Variants in TRDMT1 observed in about 807,000 individuals in gnomAD.
The protein encoded by TRDMT1 is tRNA (cytosine(38)-C(5))-methyltransferase.
TRDMT1 carries 49 observed loss-of-function variants against 51.2 expected under a neutral mutation model. That is an observed-to-expected ratio of 0.96 (90% CI 0.76 to 1.21). The LOEUF is 1.21. Among genes scored for constraint, TRDMT1 ranks in the 50% most tolerant of loss-of-function variants. TRDMT1 has a pLI of 0.00. For missense variants in TRDMT1, 534 were observed against 462.3 expected, an observed-to-expected ratio of 1.16 and a Z score of -1.42; for synonymous variants, 187 against 164.6, an observed-to-expected ratio of 1.14 and a Z score of -1.04.
At chr10:17,194,675 G>A (rs1845139562) in intron 1 of TRDMT1, among the ~76,000 whole-genome samples, 2 of 152,160 alleles carry the variant, frequency 1.3e-5, no homozygotes, top group Non-Finnish European at 2.9e-5. Context: ...GCTCATGCCT[G>A]TAATCCCAGC....
intron 1 of TRDMT1, among the ~76,000 whole-genome samples, chr10:17,178,510 T>C (rs1190454962): frequency 6.6e-6 from 1 of 151,956 alleles, no homozygotes; most frequent in Non-Finnish European, 1.5e-5. Context: ...ACCTCATCTC[T>C]ACTAAAAATA....
intron 1 of TRDMT1, among the ~76,000 whole-genome samples, chr10:17,190,311 G>C (rs910085686): frequency 6.6e-6 from 1 of 151,700 alleles, no homozygotes; most frequent in African/African-American, 2.4e-5. Flanking sequence ...ATGTAACCTT[G>C]ACCTTATTTA....
chr10:17,196,733 A>C (rs907427126), intron 1 of TRDMT1, among the ~76,000 whole-genome samples: 2 of 152,122 alleles, frequency 1.3e-5, no homozygotes, highest in Non-Finnish European at 2.9e-5. Context: ...TCCTTCCCCA[A>C]ATAGAAGCCA....
chr10:17,160,370 G>C lies in TRDMT1; in HGVS notation c.394C>G (p.Leu132Val), dbSNP rs751118827. 2.7e-5 allele frequency: 42 copies of C among 1,530,178 alleles called. No homozygotes were observed. The highest frequency in any genetic ancestry group is 1.4e-4 in the South Asian group (11 of 77,070). 94.8% of individuals were successfully genotyped at this position (1,530,178 alleles called of 1,614,324 possible). A position where few individuals can be genotyped will look rare whatever the true frequency, so the allele number is the denominator to read the frequency against. Residue 132 changes from leucine to valine, a missense_variant, in exon 6 of 11, where the codon CTC becomes GTC. Physicochemically the swap from Leu to Val is conservative, Grantham distance 32. Transcript: ENST00000377799. Reference sequence around the variant, plus strand: ...CAATTTTCTATTGTTTGTATCAAGAGGTCTCTAAAAAGAAAAAAAAAAAAC... The same window carrying C: ...CAATTTTCTATTGTTTGTATCAAGACGTCTCTAAAAAGAAAAAAAAAAAAC... The part of the protein sequence containing the change: ...KGFEVSSTRD[L>V]LIQTIENCGF...
chr10:17,194,974 T>C (rs925523633), intron 1 of TRDMT1, among the ~76,000 whole-genome samples: 31 of 145,574 alleles, frequency 2.1e-4, no homozygotes, highest in Non-Finnish European at 4.3e-4. Context: ...ACGCAGATGC[T>C]GGCAAGGCTG....
At chr10:17,190,520 C>A (rs1247040036) in intron 1 of TRDMT1, among the ~76,000 whole-genome samples, 2 of 150,860 alleles carry the variant, frequency 1.3e-5, no homozygotes, top group African/African-American at 4.9e-5. Flanking sequence ...TGAGTAAAGA[C>A]CAATTTATTC....
At chr10:17,170,202 T>C (rs1841777295) in intron 2 of TRDMT1, among the ~76,000 whole-genome samples, 1 of 152,178 alleles carries the variant, frequency 6.6e-6, no homozygotes, top group Admixed American at 6.5e-5. Context: ...TTCTTGAAAA[T>C]AGTGATTTTT....
Position 17,148,973 on chromosome 10 carries a change from G to C in TRDMT1, c.*67C>G, listed in dbSNP as rs2131366405. 1 of 1,462,524 alleles carries C rather than the reference G, an allele frequency of 6.8e-7. No homozygotes were observed. Among genetic ancestry groups the C allele is most frequent in the African/African-American group, 1.4e-5 (1 of 69,808 alleles). 90.6% of individuals were successfully genotyped at this position (1,462,524 alleles called of 1,614,324 possible). On this transcript the variant is annotated 3_prime_UTR_variant, in exon 11 of 11. Coordinates refer to ENST00000377799, the MANE Select transcript of TRDMT1 (RefSeq NM_004412.7). ...ATTTCACCAGAATTAGTTCAAAACAGAATTTCAGAATTACTCTCTGAAAAT... is the reference window on the plus strand; with the variant it reads ...ATTTCACCAGAATTAGTTCAAAACACAATTTCAGAATTACTCTCTGAAAAT...
In TRDMT1 at chr10:17,201,444, G is replaced by GCCGCCCCACAGTGTCCGCCCCACAGTGT. The variant is rs577437637; in HGVS notation, c.64+99_64+126dup. 7.1e-5 allele frequency: 59 copies of GCCGCCCCACAGTGTCCGCCCCACAGTGT among 836,112 alleles called. No homozygotes were observed. In the Middle Eastern group the frequency reaches 1.4e-3, roughly 20 times the overall value. The allele number at this position is 836,112 out of a possible 1,614,324, so 51.8% of individuals were successfully genotyped here. ...GGAGCTGTTTCCAGGACAACCGAGG[G>GCCGCCCCACAGTGTCCGCCCCACAGTGT]CCGCCCCACAGTGTCCGCCCCACAG... On this transcript the variant is annotated intron_variant, in intron 1 of 10. Coordinates refer to ENST00000377799, the MANE Select transcript of TRDMT1 (RefSeq NM_004412.7).
At chr10:17,188,460 ACGC>A (rs1844229630) in intron 1 of TRDMT1, among the ~76,000 whole-genome samples, 2 of 151,742 alleles carry the variant, frequency 1.3e-5, no homozygotes, top group African/African-American at 4.9e-5. Flanking sequence ...AGCATGACTG[ACGC>A]TGGCGCTGGC....
intron 1 of TRDMT1, among the ~76,000 whole-genome samples, chr10:17,196,354 C>T (rs1433067386): frequency 6.6e-6 from 1 of 152,206 alleles, no homozygotes; most frequent in Non-Finnish European, 1.5e-5. Context: ...AACAGTCATC[C>T]AGCTAGAGCT....
At chr10:17,177,175 A>AT (rs1564314696) in intron 1 of TRDMT1, among the ~76,000 whole-genome samples, 2 of 30,746 alleles carry the variant, frequency 6.5e-5, no homozygotes, top group Admixed American at 2.2e-4. Context: ...AGAGAAACAC[A>AT]TTTATTTTAT....
chr10:17,148,471 T>C lies in TRDMT1; in HGVS notation c.*569A>G. On this transcript the variant is annotated 3_prime_UTR_variant, in exon 11 of 11. Transcript: ENST00000377799. Reference sequence around the variant, plus strand: ...TTTCTGTGGCCGCTTCATGGAGAGGTAATCAAACATTTAGGATTATTTTTC... The same window carrying C: ...TTTCTGTGGCCGCTTCATGGAGAGGCAATCAAACATTTAGGATTATTTTTC... 1 of 985,380 alleles carries C rather than the reference T, an allele frequency of 1.0e-6. No individual in the cohort carries two copies. Among genetic ancestry groups the C allele is most frequent in the Non-Finnish European group, 1.2e-6 (1 of 829,914 alleles). 61.0% of individuals were successfully genotyped at this position (985,380 alleles called of 1,614,324 possible). A position where few individuals can be genotyped will look rare whatever the true frequency, so the allele number is the denominator to read the frequency against.
chr10:17,167,050 C>T (rs1244001297), intron 3 of TRDMT1, among the ~76,000 whole-genome samples: 4 of 152,140 alleles, frequency 2.6e-5, no homozygotes, highest in Admixed American at 6.6e-5. Flanking sequence ...GTGACACTTT[C>T]AGCATTCTTT....
At chr10:17,193,563 C>CA (rs373724599) in intron 1 of TRDMT1, among the ~76,000 whole-genome samples, 265 of 151,974 alleles carry the variant, frequency 1.7e-3, no homozygotes, top group South Asian at 4.4e-3. Flanking sequence ...ATAACAGCCA[C>CA]AAAAAACATA....
Position 17,148,778 on chromosome 10 carries a change from GA to G in TRDMT1, c.*261del. ...TTGTTTATAAAATTGTTTTTAAAAAGAATATTCCACATATATATTTATCAGT... is the reference window on the plus strand; with the variant it reads ...TTGTTTATAAAATTGTTTTTAAAAAGATATTCCACATATATATTTATCAGT... On this transcript the variant is annotated 3_prime_UTR_variant, in exon 11 of 11. Transcript: ENST00000377799. 1 of 1,041,656 alleles carries G rather than the reference GA, an allele frequency of 9.6e-7. No individual in the cohort carries two copies. The highest frequency in any genetic ancestry group is 6.8e-5 in the East Asian group (1 of 14,796). 64.5% of individuals were successfully genotyped at this position (1,041,656 alleles called of 1,614,324 possible).
intron 1 of TRDMT1, among the ~76,000 whole-genome samples, chr10:17,194,949 C>CAAAAAAA (rs1157484978): frequency 1.2e-5 from 1 of 85,286 alleles, no homozygotes; most frequent in African/African-American, 3.7e-5. Context: ...AAAAAAAAGT[C>CAAAAAAA]AAAAAAAAAA....
chr10:17,196,185 A>T (rs1328176169), intron 1 of TRDMT1, among the ~76,000 whole-genome samples: 1 of 152,276 alleles, frequency 6.6e-6, no homozygotes, highest in African/African-American at 2.4e-5. Flanking sequence ...GATGCTTAGC[A>T]TTTTAAAAGA....
At chr10:17,150,959 G>A in intron 10 of TRDMT1, 9 of 985,224 alleles carry the variant, frequency 9.1e-6, no homozygotes, top group Non-Finnish European at 1.1e-5. Context: ...AGAAAGGTTT[G>A]AAAACAAATA....
Sources: allele counts gnomAD v4.1 joint callset (sites outside exome capture counted in the v4.1 genomes callset), GRCh38; gene constraint gnomAD v4.1.1; transcripts MANE v1.5; gene names NCBI Gene and HGNC (gene_info 2026-07-23, HGNC 2026-07-21).